The following NR6A1 variants were observed in gnomAD, a reference collection of about 807,000 sequenced individuals.
NR6A1 encodes nuclear receptor subfamily 6 group A member 1.
A neutral mutation model predicts 59.1 loss-of-function variants in NR6A1; 7 were observed. That is an observed-to-expected ratio of 0.12 (90% CI 0.07 to 0.22). The LOEUF is 0.22. NR6A1 is among the 10% of genes least tolerant of loss of function. The probability of loss-of-function intolerance (pLI) is 1.00; values close to 1 mark genes in which losing one functional copy is unlikely to be tolerated. For synonymous variants in NR6A1, 243 were observed against 236.1 expected, an observed-to-expected ratio of 1.03 and a Z score of -0.27; for missense variants, 468 against 611.6, an observed-to-expected ratio of 0.77 and a Z score of 2.48.
intron 1 of NR6A1, among the ~76,000 whole-genome samples, chr9:124,757,346 A>G (rs1233825546): frequency 1.3e-5 from 2 of 152,140 alleles, no homozygotes; most frequent in African/African-American, 2.4e-5. Flanking sequence ...ACAGCTATCG[A>G]AAGTTTCAAA....
intron 2 of NR6A1, among the ~76,000 whole-genome samples, chr9:124,679,237 T>C (rs1288291234): frequency 1.3e-5 from 2 of 152,166 alleles, no homozygotes; most frequent in Non-Finnish European, 2.9e-5. Context: ...ACTGGTTGCT[T>C]CTGATCAGTG....
chr9:124,601,081 G>C (rs1163149223), intron 2 of NR6A1, among the ~76,000 whole-genome samples: 1 of 151,442 alleles, frequency 6.6e-6, no homozygotes, highest in East Asian at 1.9e-4. Flanking sequence ...TTCAAAACCA[G>C]CCTGGCCAAC....
At chr9:124,695,090 CCCA>C (rs1223301383) in intron 2 of NR6A1, among the ~76,000 whole-genome samples, 5 of 152,184 alleles carry the variant, frequency 3.3e-5, no homozygotes, top group South Asian at 2.1e-4. Flanking sequence ...CTGCCCCCAT[CCCA>C]CCACCACATT....
At chr9:124,699,651 C>T (rs1564244051) in intron 2 of NR6A1, among the ~76,000 whole-genome samples, 1 of 152,216 alleles carries the variant, frequency 6.6e-6, no homozygotes, top group African/African-American at 2.4e-5. Context: ...AATTCACATG[C>T]AATTAAATTC....
At chr9:124,581,093 C>T (rs150909431) in intron 2 of NR6A1, among the ~76,000 whole-genome samples, 1,564 of 152,096 alleles carry the variant, frequency 0.01, 26 homozygotes, top group African/African-American at 0.036. Context: ...TTCCTTATAC[C>T]ATATACAAAA....
intron 2 of NR6A1, among the ~76,000 whole-genome samples, chr9:124,556,845 G>A (rs1833943730): frequency 6.6e-6 from 1 of 151,430 alleles, no homozygotes; most frequent in South Asian, 2.1e-4. Flanking sequence ...ATTTGTTACA[G>A]CAGCACAGGA....
At chr9:124,541,169 A>C (rs1321302725) in intron 4 of NR6A1, among the ~76,000 whole-genome samples, 5 of 152,222 alleles carry the variant, frequency 3.3e-5, no homozygotes, top group South Asian at 4.1e-4. Context: ...GCAACAAAGG[A>C]AACAATCAAC....
chr9:124,692,539 C>T (rs1363525227), intron 2 of NR6A1: 1 of 523,426 alleles, frequency 1.9e-6, no homozygotes, highest in Non-Finnish European at 3.9e-6. Context: ...TTGACTGTAC[C>T]TTGGGGTCCT....
intron 2 of NR6A1, among the ~76,000 whole-genome samples, chr9:124,646,146 A>C (rs2130911743): frequency 6.6e-6 from 1 of 152,314 alleles, no homozygotes; most frequent in Middle Eastern, 3.4e-3. Context: ...CACTGAATGC[A>C]TATGTTAGAA....
At chr9:124,576,072 T>A (rs1371479210) in intron 2 of NR6A1, among the ~76,000 whole-genome samples, 2 of 152,130 alleles carry the variant, frequency 1.3e-5, no homozygotes, top group African/African-American at 4.8e-5. Flanking sequence ...GTGAAAAGCA[T>A]CTTATCACAG....
At chr9:124,723,793 C>T (rs549513189) in intron 2 of NR6A1, among the ~76,000 whole-genome samples, 48 of 152,162 alleles carry the variant, frequency 3.2e-4, no homozygotes, top group Non-Finnish European at 5.7e-4. Context: ...TTACTGTCCT[C>T]ATTTCATAGA....
At chr9:124,725,762 A>T (rs1839696697) in intron 2 of NR6A1, among the ~76,000 whole-genome samples, 1 of 152,176 alleles carries the variant, frequency 6.6e-6, no homozygotes, top group Non-Finnish European at 1.5e-5. Context: ...GCATGGCAAA[A>T]ATTCGTCTCT....
At chr9:124,713,945 T>G (rs1241808521) in intron 2 of NR6A1, among the ~76,000 whole-genome samples, 1 of 152,208 alleles carries the variant, frequency 6.6e-6, no homozygotes, top group African/African-American at 2.4e-5. Flanking sequence ...TGTATACTCA[T>G]GTTTACAGCA....
At chr9:124,769,847 T>C (rs1841061842) in intron 1 of NR6A1, among the ~76,000 whole-genome samples, 2 of 152,180 alleles carry the variant, frequency 1.3e-5, no homozygotes, top group South Asian at 4.1e-4. Context: ...CGCTAATTGC[T>C]CCAGGGCGCT....
chr9:124,548,120 G>C (rs1415088642), intron 3 of NR6A1, among the ~76,000 whole-genome samples: 1 of 126,620 alleles, frequency 7.9e-6, no homozygotes, highest in African/African-American at 3.0e-5. Flanking sequence ...AGGTGGAAGA[G>C]AGAGACAGAA....
intron 2 of NR6A1, among the ~76,000 whole-genome samples, chr9:124,585,424 G>T (rs1286724332): frequency 3.3e-5 from 5 of 151,968 alleles, no homozygotes; most frequent in African/African-American, 1.2e-4. Context: ...GGCACCTGTA[G>T]TCCCAGCTAC....
At chr9:124,742,711 G>GT (rs1840209106) in intron 1 of NR6A1, among the ~76,000 whole-genome samples, 1 of 151,644 alleles carries the variant, frequency 6.6e-6, no homozygotes, top group South Asian at 2.1e-4. Flanking sequence ...CCCGTCTCTA[G>GT]TAAAAACACA....
intron 2 of NR6A1, among the ~76,000 whole-genome samples, chr9:124,650,999 A>G (rs1339997062): frequency 6.6e-6 from 1 of 152,170 alleles, no homozygotes; most frequent in Non-Finnish European, 1.5e-5. Context: ...TAATAGAAAG[A>G]AAGGACTTTG....
intron 2 of NR6A1, among the ~76,000 whole-genome samples, chr9:124,689,700 T>C (rs1366191269): frequency 6.6e-6 from 1 of 152,248 alleles, no homozygotes; most frequent in Non-Finnish European, 1.5e-5. Flanking sequence ...CTCTAAGATT[T>C]CCTGTACATG....
Sources: allele counts gnomAD v4.1 joint callset (sites outside exome capture counted in the v4.1 genomes callset), GRCh38; gene constraint gnomAD v4.1.1; transcripts MANE v1.5; gene names NCBI Gene and HGNC (gene_info 2026-07-23, HGNC 2026-07-21).